The following ELK3 variants were observed in gnomAD, a reference collection of about 807,000 sequenced individuals.
ELK3 encodes ETS transcription factor ELK3, also known as ETS domain-containing protein Elk-3.
A neutral mutation model predicts 28.9 loss-of-function variants in ELK3; 10 were observed. The ratio of observed to expected loss-of-function variants is 0.35; its 90% CI spans 0.21 to 0.59. The LOEUF is 0.59. ELK3 is among the 20% of genes least tolerant of loss of function. The pLI is 0.82. For synonymous variants in ELK3, 272 were observed against 243.5 expected (o/e 1.12, Z -1.09); for missense variants, 463 against 517.3 (o/e 0.90, Z 1.02).
In ELK3 at chr12:96,247,064, A is replaced by G; in HGVS notation, c.332A>G (p.Asp111Gly). The G allele has an allele frequency of 6.2e-7, 1 of 1,614,082 alleles. No homozygotes were observed. Among genetic ancestry groups the G allele is most frequent in the Non-Finnish European group, 8.5e-7 (1 of 1,180,016 alleles). ...GAGAGCCTTCTGCTGCAGGACAGCGACTGCAAGGCGTCTCCGGAGGGCCGC... is the reference window on the plus strand; with the variant it reads ...GAGAGCCTTCTGCTGCAGGACAGCGGCTGCAAGGCGTCTCCGGAGGGCCGC... ...SRESLLLQDSDCKASPEGREA... is the reference protein window; with the variant it reads ...SRESLLLQDSGCKASPEGREA... Residue 111 changes from aspartate (D) to glycine (G), a missense_variant, in exon 3 of 5, where the codon GAC (aspartate) becomes GGC (glycine). By Grantham distance (94) the Asp-to-Gly change is moderately conservative. Coordinates refer to ENST00000228741, the MANE Select transcript of ELK3 (RefSeq NM_005230.4). This position sits in a 1 kb window ranked among gnomAD's most constrained non-coding sequence, Gnocchi z 5.5.
At chr12:96,263,495 A>G (rs1448820732) in intron 4 of ELK3, among the ~76,000 whole-genome samples, 1 of 152,248 alleles carries the variant, frequency 6.6e-6, no homozygotes, top group Non-Finnish European at 1.5e-5. Context: ...GTTTTCAATT[A>G]AGAATGTGTG....
At chr12:96,235,151 A>T (rs534526766) in intron 2 of ELK3, among the ~76,000 whole-genome samples, 16 of 151,756 alleles carry the variant, frequency 1.1e-4, no homozygotes, top group Admixed American at 3.3e-4. Context: ...AAGGAGTCCA[A>T]ACTCCCTTCA....
At chr12:96,217,477 C>G (rs527646947) in intron 1 of ELK3, among the ~76,000 whole-genome samples, 7 of 152,266 alleles carry the variant, frequency 4.6e-5, no homozygotes, top group East Asian at 3.9e-4. Flanking sequence ...TTTCAATGTT[C>G]TTCTTCTATA....
intron 4 of ELK3, among the ~76,000 whole-genome samples, chr12:96,266,684 T>A (rs1429690562): frequency 6.6e-6 from 1 of 152,200 alleles, no homozygotes; most frequent in African/African-American, 2.4e-5. Context: ...CTGACTCACA[T>A]GTAAAGAGTC....
chr12:96,195,311 T>C (rs890080871), intron 1 of ELK3, among the ~76,000 whole-genome samples: 3 of 152,106 alleles, frequency 2.0e-5, no homozygotes, highest in Admixed American at 6.5e-5. Flanking sequence ...GCTTGGCAGG[T>C]GACCCCCGCC....
At chr12:96,216,916 C>T (rs1487012497) in intron 1 of ELK3, among the ~76,000 whole-genome samples, 2 of 152,128 alleles carry the variant, frequency 1.3e-5, no homozygotes, top group Admixed American at 6.5e-5. Context: ...GCTTACCTTC[C>T]AAATAGACAA....
At chr12:96,203,347 A>G (rs995437927) in intron 1 of ELK3, among the ~76,000 whole-genome samples, 33 of 152,136 alleles carry the variant, frequency 2.2e-4, no homozygotes, top group Admixed American at 2.0e-4. Context: ...CGATTTGGAT[A>G]TTGGGGGATG....
chr12:96,257,885 T>C (rs1312612752), intron 3 of ELK3, among the ~76,000 whole-genome samples: 2 of 152,208 alleles, frequency 1.3e-5, no homozygotes, highest in South Asian at 2.1e-4. Flanking sequence ...AGTAAGTATG[T>C]CATGTATACT....
At position 96,223,633 on chromosome 12, in the gene ELK3, T is replaced by G. The variant is rs1304393699; in HGVS notation, c.67T>G (p.Leu23Val). Reference protein sequence around the residue: ...QLLLDQKHEHLICWTSNDGEF... With the variant: ...QLLLDQKHEHVICWTSNDGEF... The stretch of plus-strand genomic sequence containing the variant: ...GCTGCTGGATCAGAAACATGAGCAT[T>G]TGATCTGCTGGACCTCGAACGATGG... Residue 23 changes from leucine (L) to valine (V), a missense_variant, in exon 2 of 5, where the codon TTG becomes GTG. Physicochemically the swap from Leu to Val is conservative, Grantham distance 32. Transcript: ENST00000228741. The G allele has an allele frequency of 6.2e-7, 1 of 1,614,134 alleles. No individual in the cohort carries two copies. Among genetic ancestry groups the G allele is most frequent in the South Asian group, 1.1e-5 (1 of 91,078 alleles).
intron 3 of ELK3, among the ~76,000 whole-genome samples, chr12:96,251,275 T>A (rs1951903787): frequency 6.6e-6 from 1 of 152,190 alleles, no homozygotes; most frequent in African/African-American, 2.4e-5. Flanking sequence ...GCAAACTTGA[T>A]CAGTGTTGTG....
chr12:96,233,499 C>T (rs1343135646), intron 2 of ELK3, among the ~76,000 whole-genome samples: 1 of 152,208 alleles, frequency 6.6e-6, no homozygotes, highest in Non-Finnish European at 1.5e-5. Context: ...TCGGGGAGAA[C>T]AGTCAAGACA....
intron 1 of ELK3, among the ~76,000 whole-genome samples, chr12:96,222,399 G>T (rs1951668644): frequency 6.6e-6 from 1 of 152,102 alleles, no homozygotes; most frequent in African/African-American, 2.4e-5. Flanking sequence ...GGATAACATT[G>T]TATATATAGG....
At position 96,267,298 on chromosome 12, in the gene ELK3, T is replaced by G; in HGVS notation, c.*118T>G. 1.3e-6 allele frequency: 1 copy of G among 768,398 alleles called. No homozygotes were observed. The highest frequency in any genetic ancestry group is 2.1e-6 in the Non-Finnish European group (1 of 487,626). The allele number at this position is 768,398 out of a possible 1,614,324, so 47.6% of individuals were successfully genotyped here. A position where few individuals can be genotyped will look rare whatever the true frequency, so the allele number is the denominator to read the frequency against. On this transcript the variant is annotated 3_prime_UTR_variant, in exon 5 of 5. Coordinates refer to ENST00000228741, the MANE Select transcript of ELK3 (RefSeq NM_005230.4). The stretch of plus-strand genomic sequence containing the variant: ...AACTCTTGTTAATTTGGTTTGCACT[T>G]TTCATAACATGGATAGTCTAGATTT...
Position 96,269,536 on chromosome 12 carries a change from G to T in ELK3, c.*2356G>T, listed in dbSNP as rs1404492922. The T allele has an allele frequency of 6.6e-6, 1 of 152,166 alleles. No individual in the cohort carries two copies. Among genetic ancestry groups the T allele is most frequent in the African/African-American group, 2.4e-5 (1 of 41,436 alleles). The allele number at this position is 152,166 out of a possible 1,614,324, so 9.4% of individuals were successfully genotyped here. ...CAAACAGAGAACTGGAGGAACTGAA[G>T]AATAACTCACTCATATAGCTCTGCC... is the stretch of plus-strand genomic sequence containing the variant. On this transcript the variant is annotated 3_prime_UTR_variant, in exon 5 of 5. Transcript: ENST00000228741.
intron 4 of ELK3, among the ~76,000 whole-genome samples, chr12:96,260,231 G>A (rs1329314682): frequency 6.6e-6 from 1 of 152,078 alleles, no homozygotes; most frequent in African/African-American, 2.4e-5. Context: ...GATTGTTTGA[G>A]CCCAGGAGTT....
At chr12:96,223,496 C>T in intron 1 of ELK3, 69 bp from the exon 2 acceptor site, 1 of 1,517,612 alleles carries the variant, frequency 6.6e-7, no homozygotes, top group Non-Finnish European at 9.1e-7. Context: ...TTCTGAAGCC[C>T]CCTCTCTCCT....
At chr12:96,266,971 CAG>C (rs1166838551) in intron 4 of ELK3, 109 bp from the exon 5 acceptor site, 8 of 741,264 alleles carry the variant, frequency 1.1e-5, no homozygotes, top group African/African-American at 1.8e-5. Context: ...ATCTCTATCA[CAG>C]GGGTGATGAG....
chr12:96,254,278 T>C (rs751866332), intron 3 of ELK3, among the ~76,000 whole-genome samples: 2 of 152,156 alleles, frequency 1.3e-5, no homozygotes, highest in African/African-American at 4.8e-5. Flanking sequence ...TGAGCCAAGA[T>C]TGTGCCACTG....
chr12:96,223,144 C>T lies in ELK3; in HGVS notation c.-2-421C>T, dbSNP rs571465142. ...ATTACAATTCAACATGAGATTTGGG[C>T]GGGGCACACATCCAAACTATATCAC... On this transcript the variant is annotated intron_variant, in intron 1 of 4. Coordinates refer to ENST00000228741, the MANE Select transcript of ELK3 (RefSeq NM_005230.4). 3.9e-5 allele frequency among the ~76,000 whole-genome samples: 6 copies of T among 152,158 alleles called. No individual in the cohort carries two copies. The South Asian group carries it at 8.3e-4, about 21-fold the overall frequency.
Sources: allele counts gnomAD v4.1 joint callset (sites outside exome capture counted in the v4.1 genomes callset), GRCh38; gene constraint gnomAD v4.1.1; non-coding constraint Gnocchi (gnomAD v3.1); transcripts MANE v1.5; gene names NCBI Gene and HGNC (gene_info 2026-07-23, HGNC 2026-07-21).